ASTN2: variants seen among roughly 807,000 people sequenced by gnomAD.
ASTN2 encodes the protein astrotactin 2.
In ASTN2, 54 loss-of-function variants were observed where a neutral mutation model predicts 139.8. That is an observed-to-expected ratio of 0.39 (90% CI 0.31 to 0.48). ASTN2 has a LOEUF of 0.48. ASTN2 is among the 20% of genes least tolerant of loss of function. The pLI, the probability that ASTN2 is intolerant of heterozygous loss-of-function variation, is 0.95. For synonymous variants in ASTN2, 756 were observed against 719.5 expected (o/e 1.05, Z -0.81); for missense variants, 1,565 against 1,725.1 (o/e 0.91, Z 1.64).
At chr9:116,695,912 T>G (rs934510951) in intron 16 of ASTN2, among the ~76,000 whole-genome samples, 1 of 152,180 alleles carries the variant, frequency 6.6e-6, no homozygotes, top group Non-Finnish European at 1.5e-5. Flanking sequence ...TTAAATCATC[T>G]AGGCTTGAGT....
At chr9:116,476,430 C>A (rs911820623) in intron 20 of ASTN2, among the ~76,000 whole-genome samples, 23 of 152,176 alleles carry the variant, frequency 1.5e-4, no homozygotes, top group African/African-American at 5.3e-4. Flanking sequence ...AGACTTGCAG[C>A]GGAGGGTTCC....
intron 16 of ASTN2, among the ~76,000 whole-genome samples, chr9:116,708,601 G>T (rs1438064856): frequency 6.6e-6 from 1 of 152,096 alleles, no homozygotes; most frequent in Non-Finnish European, 1.5e-5. Context: ...GACACATATA[G>T]TCATAATCAT....
intron 20 of ASTN2, among the ~76,000 whole-genome samples, chr9:116,482,750 C>T (rs943162073): frequency 2.0e-5 from 3 of 152,170 alleles, no homozygotes; most frequent in African/African-American, 7.2e-5. Context: ...AAGATAGAGC[C>T]TCTGGCCTAA....
At chr9:116,972,969 T>C (rs1279983283) in intron 10 of ASTN2, among the ~76,000 whole-genome samples, 1 of 152,236 alleles carries the variant, frequency 6.6e-6, no homozygotes, top group Non-Finnish European at 1.5e-5. Context: ...CAACATACCA[T>C]CTGACTGGAA....
chr9:116,862,105 A>G (rs572189199), intron 11 of ASTN2, among the ~76,000 whole-genome samples: 199 of 151,790 alleles, frequency 1.3e-3, no homozygotes, highest in African/African-American at 4.6e-3. Flanking sequence ...AGTCTCAGAT[A>G]TAGTTTCATT....
intron 6 of ASTN2, among the ~76,000 whole-genome samples, chr9:117,020,506 C>T (rs746638470): frequency 1.1e-4 from 17 of 152,024 alleles, no homozygotes; most frequent in East Asian, 1.9e-4. Context: ...CCTTACTACC[C>T]GTATCTTCCC....
chr9:117,365,643 A>C (rs1205374344), intron 1 of ASTN2, among the ~76,000 whole-genome samples: 1 of 152,168 alleles, frequency 6.6e-6, no homozygotes, highest in Non-Finnish European at 1.5e-5. Context: ...GTAAAAATAG[A>C]CCAGGAAGTG....
intron 12 of ASTN2, among the ~76,000 whole-genome samples, chr9:116,818,770 C>T (rs1821957393): frequency 6.6e-6 from 1 of 152,082 alleles, no homozygotes; most frequent in South Asian, 2.1e-4. Flanking sequence ...TATATTTAGT[C>T]CTTATAACAT....
At chr9:117,219,798 G>T (rs1172904085) in intron 2 of ASTN2, among the ~76,000 whole-genome samples, 1 of 152,152 alleles carries the variant, frequency 6.6e-6, no homozygotes, top group Non-Finnish European at 1.5e-5. Flanking sequence ...TCTCTAGGCA[G>T]GATCAGCCTG....
chr9:117,207,279 AC>A (rs34746903), intron 3 of ASTN2, among the ~76,000 whole-genome samples: 1 of 151,830 alleles, frequency 6.6e-6, no homozygotes, highest in Non-Finnish European at 1.5e-5. Context: ...GTGGGCCACC[AC>A]CCACAGAAAC....
intron 6 of ASTN2, among the ~76,000 whole-genome samples, chr9:117,016,643 T>C (rs1413889682): frequency 6.1e-5 from 6 of 98,192 alleles, no homozygotes; most frequent in South Asian, 3.5e-4. Context: ...TATATATATA[T>C]ATATATATAT....
intron 3 of ASTN2, among the ~76,000 whole-genome samples, chr9:117,208,294 C>T (rs773627914): frequency 6.6e-6 from 1 of 151,582 alleles, no homozygotes; most frequent in Non-Finnish European, 1.5e-5. Flanking sequence ...ATACATTCAA[C>T]AAAGAGATAG....
At chr9:117,165,775 C>T (rs897036451) in intron 3 of ASTN2, among the ~76,000 whole-genome samples, 1 of 152,056 alleles carries the variant, frequency 6.6e-6, no homozygotes, top group Non-Finnish European at 1.5e-5. Flanking sequence ...TTAAACTCTA[C>T]TGTCCATGTC....
intron 5 of ASTN2, among the ~76,000 whole-genome samples, chr9:117,057,555 T>G (rs1264219958): frequency 1.3e-5 from 2 of 152,186 alleles, no homozygotes; most frequent in Non-Finnish European, 2.9e-5. Context: ...CCTACTAAAT[T>G]TTATAGAAAT....
intron 1 of ASTN2, among the ~76,000 whole-genome samples, chr9:117,339,459 G>A (rs114272886): frequency 0.011 from 1,612 of 152,152 alleles, 29 homozygotes; most frequent in African/African-American, 0.036. Flanking sequence ...GTCCGCTGCT[G>A]CCACACCTCC....
At chr9:117,302,444 G>A (rs1429565013) in intron 1 of ASTN2, among the ~76,000 whole-genome samples, 2 of 152,108 alleles carry the variant, frequency 1.3e-5, no homozygotes, top group Non-Finnish European at 2.9e-5. Context: ...TCACTGAGAG[G>A]AGAGGCAGAA....
At chr9:116,491,972 G>A (rs925804462) in intron 19 of ASTN2, among the ~76,000 whole-genome samples, 3 of 151,976 alleles carry the variant, frequency 2.0e-5, no homozygotes, top group Non-Finnish European at 4.4e-5. Context: ...GTAAAATGAG[G>A]AGAATAATAG....
intron 19 of ASTN2, among the ~76,000 whole-genome samples, chr9:116,533,567 T>C (rs551010626): frequency 6.6e-6 from 1 of 152,342 alleles, no homozygotes; most frequent in Non-Finnish European, 1.5e-5. Context: ...TTTTTTAGCA[T>C]GAAGCGCTGT....
chr9:117,137,201 T>G (rs533749164), intron 4 of ASTN2, among the ~76,000 whole-genome samples: 98 of 152,310 alleles, frequency 6.4e-4, no homozygotes, highest in South Asian at 4.6e-3. Flanking sequence ...AATGATGCAC[T>G]TCAGCCTCCA....
Sources: allele counts gnomAD v4.1 joint callset (sites outside exome capture counted in the v4.1 genomes callset), GRCh38; gene constraint gnomAD v4.1.1; transcripts MANE v1.5; gene names NCBI Gene and HGNC (gene_info 2026-07-23, HGNC 2026-07-21).